SYN3: variants seen among roughly 807,000 people sequenced by gnomAD.
SYN3 encodes synapsin-3.
A neutral mutation model predicts 65.8 loss-of-function variants in SYN3; 35 were observed. The ratio of observed to expected loss-of-function variants is 0.53; its 90% CI spans 0.41 to 0.70. The LOEUF (loss-of-function observed/expected upper bound fraction) is 0.70. Ranked by LOEUF, SYN3 falls within the 30% of genes least tolerant of loss-of-function variation. SYN3 has a pLI of 0.00. For missense variants in SYN3, 680 were observed against 749.0 expected (o/e 0.91, Z 1.08); for synonymous variants, 270 against 292.9 (o/e 0.92, Z 0.80).
intron 6 of SYN3, among the ~76,000 whole-genome samples, chr22:32,794,879 T>C (rs562536121): frequency 7.9e-4 from 120 of 152,200 alleles, no homozygotes; most frequent in Admixed American, 2.0e-3. Flanking sequence ...TGGGGGAATA[T>C]ATTGGTGGCG....
chr22:32,750,950 C>T (rs1042930621), intron 6 of SYN3, among the ~76,000 whole-genome samples: 23 of 152,076 alleles, frequency 1.5e-4, no homozygotes, highest in African/African-American at 5.3e-4. Flanking sequence ...ATCAGACATC[C>T]AGGGGAGACA....
At chr22:32,722,388 A>T (rs1338855205) in intron 6 of SYN3, among the ~76,000 whole-genome samples, 1 of 152,210 alleles carries the variant, frequency 6.6e-6, no homozygotes, top group Non-Finnish European at 1.5e-5. Flanking sequence ...AAGAGTCCAC[A>T]TAATTTGCAC....
chr22:32,858,161 G>A, intron 6 of SYN3: 3 of 1,611,370 alleles, frequency 1.9e-6, no homozygotes, highest in Non-Finnish European at 2.5e-6. Context: ...GTCACTGGGG[G>A]AAGGAGGGGA....
At chr22:32,724,399 A>G (rs577393988) in intron 6 of SYN3, among the ~76,000 whole-genome samples, 2 of 152,268 alleles carry the variant, frequency 1.3e-5, no homozygotes, top group African/African-American at 2.4e-5. Context: ...CATAAATTCC[A>G]GGTCAGAAGA....
At chr22:33,045,752 T>C (rs979888294) in intron 1 of SYN3, among the ~76,000 whole-genome samples, 7 of 152,134 alleles carry the variant, frequency 4.6e-5, no homozygotes, top group African/African-American at 1.7e-4. Context: ...AAAAAAGAAA[T>C]TCTTTTTTAA....
chr22:32,585,801 A>C (rs1423260609), intron 7 of SYN3, among the ~76,000 whole-genome samples: 1 of 152,050 alleles, frequency 6.6e-6, no homozygotes, highest in East Asian at 1.9e-4. Flanking sequence ...TTAGCTTTCA[A>C]AGGCAGGAAG....
chr22:32,781,676 TTATTATTAA>T (rs898730248), intron 6 of SYN3, among the ~76,000 whole-genome samples: 22 of 150,604 alleles, frequency 1.5e-4, no homozygotes, highest in Admixed American at 2.0e-4. Context: ...AATATTATTA[TTATTATTAA>T]TATTATTATT....
intron 2 of SYN3, among the ~76,000 whole-genome samples, chr22:32,985,301 C>T (rs1229871203): frequency 1.3e-5 from 2 of 152,188 alleles, no homozygotes; most frequent in East Asian, 3.9e-4. Context: ...TACCCTGTGC[C>T]TAGTGGGTGC....
Position 33,023,411 on chromosome 22 carries a change from C to T in SYN3, c.-162-16587G>A, listed in dbSNP as rs55718026. On this transcript the variant is annotated intron_variant, in intron 1 of 13. Transcript: ENST00000358763. ...CTATGAAAGACATGCCTTTGCTCTT[C>T]CTTGACCTTCCACCACGATTGTGAG... Among the ~76,000 whole-genome samples, 565 of 152,342 alleles carry T rather than the reference C, an allele frequency of 3.7e-3. 5 individuals carry two copies. Among genetic ancestry groups the T allele is most frequent in the Non-Finnish European group, 5.2e-3 (354 of 68,030 alleles).
chr22:32,966,155 G>C (rs1409994623), intron 3 of SYN3, among the ~76,000 whole-genome samples: 1 of 152,164 alleles, frequency 6.6e-6, no homozygotes, highest in African/African-American at 2.4e-5. Context: ...AAGTCATCTG[G>C]GAAGTGTGAT....
intron 4 of SYN3, among the ~76,000 whole-genome samples, chr22:32,922,914 C>T (rs2050371896): frequency 6.6e-6 from 1 of 152,152 alleles, no homozygotes; most frequent in African/African-American, 2.4e-5. Flanking sequence ...CAGCAATGAT[C>T]TTCTCTGCCA....
At chr22:32,955,877 TCAGCCTA>T (rs2051438239) in intron 3 of SYN3, among the ~76,000 whole-genome samples, 1 of 151,968 alleles carries the variant, frequency 6.6e-6, no homozygotes. Flanking sequence ...GCCTAGCCTC[TCAGCCTA>T]CATCTTTTTC....
chr22:32,992,100 T>C (rs1379567890), intron 2 of SYN3, among the ~76,000 whole-genome samples: 1 of 129,656 alleles, frequency 7.7e-6, no homozygotes. Context: ...GAAAACCAGG[T>C]TGTGGAGGAG....
At chr22:32,553,707 C>T (rs1421501157) in intron 7 of SYN3, among the ~76,000 whole-genome samples, 1 of 152,132 alleles carries the variant, frequency 6.6e-6, no homozygotes, top group Non-Finnish European at 1.5e-5. Flanking sequence ...CCTACTCTGG[C>T]CTTTTGGTAG....
chr22:32,566,564 C>T (rs1162731212), intron 7 of SYN3, among the ~76,000 whole-genome samples: 1 of 152,104 alleles, frequency 6.6e-6, no homozygotes, highest in Non-Finnish European at 1.5e-5. Flanking sequence ...AGTGACACAA[C>T]CCGGAGGAGA....
Position 32,703,344 on chromosome 22 carries a change from A to T in SYN3, c.712-106608T>A, listed in dbSNP as rs577121009. ...ATTTCTGACCCAATGGAGTTAAATA[A>T]AGAGTTTTGCCTGGCCGGGCGCGGT... On this transcript the variant is annotated intron_variant, in intron 6 of 13. Transcript: ENST00000358763. Among the ~76,000 whole-genome samples the T allele has an allele frequency of 2.6e-5, 4 of 152,318 alleles. No individual in the cohort carries two copies. In the South Asian group the frequency reaches 8.3e-4, roughly 32 times the overall value.
intron 6 of SYN3, among the ~76,000 whole-genome samples, chr22:32,731,505 C>T (rs780240021): frequency 8.1e-4 from 124 of 152,280 alleles, no homozygotes; most frequent in Non-Finnish European, 1.2e-3. Flanking sequence ...TTCATAAAAG[C>T]CTACGATCAG....
At chr22:33,030,950 C>T (rs368221180) in intron 1 of SYN3, among the ~76,000 whole-genome samples, 16 of 152,114 alleles carry the variant, frequency 1.1e-4, no homozygotes, top group African/African-American at 3.6e-4. Flanking sequence ...GACAGAAAGA[C>T]AGATATACAT....
chr22:32,672,553 G>C (rs1601886013), intron 6 of SYN3, among the ~76,000 whole-genome samples: 1 of 152,160 alleles, frequency 6.6e-6, no homozygotes, highest in East Asian at 1.9e-4. Flanking sequence ...CTTGGGGCAG[G>C]GATGGCCCCG....
Sources: allele counts gnomAD v4.1 joint callset (sites outside exome capture counted in the v4.1 genomes callset), GRCh38; gene constraint gnomAD v4.1.1; transcripts MANE v1.5; gene names NCBI Gene and HGNC (gene_info 2026-07-23, HGNC 2026-07-21).